The following IGSF11 variants were observed in gnomAD, a reference collection of about 807,000 sequenced individuals.
The protein encoded by IGSF11 is CXADR like 1.
Under a neutral mutation model 41.0 loss-of-function variants are expected in IGSF11, and 22 were observed. The ratio of observed to expected loss-of-function variants is 0.54; its 90% CI spans 0.38 to 0.77. IGSF11 has a LOEUF of 0.77. Among genes scored for constraint, IGSF11 ranks in the 30% least tolerant of loss-of-function variants. The pLI, the probability that IGSF11 is intolerant of heterozygous loss-of-function variation, is 0.00. For synonymous variants in IGSF11, 219 were observed against 201.3 expected, an observed-to-expected ratio of 1.09 and a Z score of -0.74; for missense variants, 444 against 530.8, an observed-to-expected ratio of 0.84 and a Z score of 1.61.
At chr3:119,003,297 T>A (rs1391512010) in intron 1 of IGSF11, among the ~76,000 whole-genome samples, 2 of 143,762 alleles carry the variant, frequency 1.4e-5, no homozygotes, top group African/African-American at 5.5e-5. Context: ...TGTATAAGAA[T>A]GCTTGTGATT....
intron 6 of IGSF11, among the ~76,000 whole-genome samples, chr3:118,903,593 G>A (rs1454036396): frequency 1.3e-5 from 2 of 152,038 alleles, no homozygotes; most frequent in South Asian, 2.1e-4. Flanking sequence ...TCTTATCCTG[G>A]GGTAGACTCT....
intron 1 of IGSF11, among the ~76,000 whole-genome samples, chr3:118,959,979 A>G (rs1462317059): frequency 6.6e-6 from 1 of 151,056 alleles, no homozygotes; most frequent in Non-Finnish European, 1.5e-5. Flanking sequence ...TGGGAGGCGG[A>G]GCTTGCAGTG....
At chr3:119,102,407 AT>A (rs1388622226) in intron 1 of IGSF11, among the ~76,000 whole-genome samples, 2 of 152,014 alleles carry the variant, frequency 1.3e-5, no homozygotes, top group African/African-American at 4.8e-5. Flanking sequence ...GCCAGTCTGA[AT>A]TTTTTTTCTT....
chr3:119,116,363 G>A (rs1014014354), intron 1 of IGSF11, among the ~76,000 whole-genome samples: 2 of 152,062 alleles, frequency 1.3e-5, no homozygotes, highest in African/African-American at 4.8e-5. Context: ...ACTCAGACTG[G>A]AATTATACCA....
At chr3:119,105,912 C>T (rs112862256), upstream of IGSF11, among the ~76,000 whole-genome samples, 2,082 of 152,202 alleles carry the variant, frequency 0.014, 30 homozygotes, top group Non-Finnish European at 0.02. Context: ...CTTTTTTATA[C>T]TCCCCTTGAA....
chr3:119,056,100 A>G (rs1454809964), intron 1 of IGSF11, among the ~76,000 whole-genome samples: 4 of 152,194 alleles, frequency 2.6e-5, no homozygotes, highest in Non-Finnish European at 5.9e-5. Flanking sequence ...AAGCTAGCAG[A>G]AGGCAAGAAA....
chr3:118,930,915 A>C lies in IGSF11; in HGVS notation c.53-640T>G, dbSNP rs190712737. Among the ~76,000 whole-genome samples the C allele has an allele frequency of 7.9e-5, 12 of 152,334 alleles. 1 individual carries two copies. The highest frequency in any genetic ancestry group is 3.4e-3 in the Middle Eastern group (1 of 294). On this transcript the variant is annotated intron_variant, in intron 1 of 6. Transcript: ENST00000393775. The stretch of plus-strand genomic sequence containing the variant: ...AGAAAGACAAAGAACTAGAATAGCC[A>C]AAAGAATACTGAAAAATAAGAACAA...
intron 1 of IGSF11, among the ~76,000 whole-genome samples, chr3:119,001,968 G>A (rs1183936602): frequency 7.4e-6 from 1 of 135,116 alleles, no homozygotes; most frequent in African/African-American, 3.1e-5. Flanking sequence ...ATGATTTATA[G>A]TCCTTTGGGT....
At chr3:119,088,504 G>A (rs1435659) in intron 1 of IGSF11, among the ~76,000 whole-genome samples, 2 of 151,846 alleles carry the variant, frequency 1.3e-5, no homozygotes, top group Non-Finnish European at 2.9e-5. Flanking sequence ...ATCTAACTTT[G>A]TGCCTAAAGG....
At chr3:119,050,265 A>G (rs1428813583) in intron 1 of IGSF11, among the ~76,000 whole-genome samples, 2 of 152,206 alleles carry the variant, frequency 1.3e-5, no homozygotes, top group East Asian at 3.9e-4. Context: ...CAAAGGGCTA[A>G]TATCCAGAAC....
chr3:119,144,758 T>G (rs2077696951), intron 1 of IGSF11, among the ~76,000 whole-genome samples: 1 of 152,186 alleles, frequency 6.6e-6, no homozygotes, highest in African/African-American at 2.4e-5. Context: ...TATAGACACA[T>G]AGATTTGCAT....
At chr3:119,127,190 C>T (rs2077415535) in intron 1 of IGSF11, among the ~76,000 whole-genome samples, 2 of 151,876 alleles carry the variant, frequency 1.3e-5, no homozygotes, top group Non-Finnish European at 2.9e-5. Context: ...ACATAAATGA[C>T]CTGATGGAGC....
intron 1 of IGSF11, among the ~76,000 whole-genome samples, chr3:119,064,147 T>C (rs144250234): frequency 3.1e-3 from 466 of 152,298 alleles, no homozygotes; most frequent in African/African-American, 0.01. Flanking sequence ...TACAACAAAG[T>C]CAGAAAGAAG....
intron 1 of IGSF11, among the ~76,000 whole-genome samples, chr3:119,061,124 A>G (rs1942039088): frequency 6.6e-6 from 1 of 152,212 alleles, no homozygotes; most frequent in African/African-American, 2.4e-5. Flanking sequence ...ATTGGTTCAC[A>G]GTTTTAATAT....
intron 1 of IGSF11, among the ~76,000 whole-genome samples, chr3:119,116,726 A>C (rs932446480): frequency 6.6e-6 from 1 of 152,240 alleles, no homozygotes; most frequent in Non-Finnish European, 1.5e-5. Context: ...AGAGCTTATA[A>C]GATATGCAAA....
Position 118,901,333 on chromosome 3 carries a change from T to C in IGSF11, c.*1187A>G, listed in dbSNP as rs1047030769. 3 of 152,152 alleles carry C rather than the reference T, an allele frequency of 2.0e-5. No individual in the cohort carries two copies. Among genetic ancestry groups the C allele is most frequent in the African/African-American group, 7.2e-5 (3 of 41,432 alleles). The allele number at this position is 152,152 out of a possible 1,614,324, so 9.4% of individuals were successfully genotyped here. On this transcript the variant is annotated 3_prime_UTR_variant, in exon 7 of 7. Transcript: ENST00000393775. The stretch of plus-strand genomic sequence containing the variant: ...CACTGCAACCCTGAGCTGACACAAA[T>C]GTAGGGTAGACACTTCCAGGAGCAC...
intron 4 of IGSF11, among the ~76,000 whole-genome samples, chr3:118,913,095 A>C (rs529532556): frequency 1.3e-5 from 2 of 152,108 alleles, no homozygotes; most frequent in Non-Finnish European, 2.9e-5. Flanking sequence ...GATCTGGAAA[A>C]ATAAAAAACA....
At chr3:119,058,580 T>A (rs1473751084) in intron 1 of IGSF11, among the ~76,000 whole-genome samples, 3 of 152,204 alleles carry the variant, frequency 2.0e-5, no homozygotes, top group Non-Finnish European at 4.4e-5. Context: ...TCCTCAGGGA[T>A]CTACAACTGG....
rs180716578 is a variant in IGSF11 at position 119,112,431 on chromosome 3, T to G, written c.-13-7226A>C. On this transcript the variant is annotated intron_variant, in intron 1 of 7. Coordinates refer to the IGSF11 transcript ENST00000425327. ...GGATATAATCTCCTGGTGTGCCGTT[T>G]CCTAAGCCTGTTGGAAAAGCGCAGT... Among the ~76,000 whole-genome samples, 51 of 152,282 alleles carry G rather than the reference T, an allele frequency of 3.3e-4. No homozygotes were observed. In the Middle Eastern group the frequency reaches 0.01, roughly 30 times the overall value.
Sources: allele counts gnomAD v4.1 joint callset (sites outside exome capture counted in the v4.1 genomes callset), GRCh38; gene constraint gnomAD v4.1.1; transcripts MANE v1.5; gene names NCBI Gene and HGNC (gene_info 2026-07-23, HGNC 2026-07-21).